Variants in ARB2A observed in about 807,000 individuals in gnomAD.
The protein encoded by ARB2A is cotranscriptional regulator ARB2A.
chr5:93,814,895 T>C, the ARB2A span, among the ~76,000 whole-genome samples: 2 of 152,200 alleles, frequency 1.3e-5, no homozygotes, highest in Non-Finnish European at 2.9e-5. Flanking sequence ...TGGAGTGTGG[T>C]GGTGTGATCA....
At chr5:93,765,929 C>A in the ARB2A span, among the ~76,000 whole-genome samples, 2 of 152,082 alleles carry the variant, frequency 1.3e-5, no homozygotes, top group Admixed American at 1.3e-4. Context: ...GAAAAACAAG[C>A]AATGGGGAAA....
At chr5:93,777,579 G>A in the ARB2A span, among the ~76,000 whole-genome samples, 1 of 146,568 alleles carries the variant, frequency 6.8e-6, no homozygotes, top group Non-Finnish European at 1.5e-5. Context: ...TGAATTTCCA[G>A]ACAGATTTTT....
the ARB2A span, among the ~76,000 whole-genome samples, chr5:93,852,930 C>T: frequency 4.1e-5 from 6 of 147,954 alleles, no homozygotes; most frequent in South Asian, 2.2e-4. Flanking sequence ...ACTGACTTGG[C>T]GATGTGGGCT....
At chr5:93,730,612 G>A in the ARB2A span, among the ~76,000 whole-genome samples, 1 of 152,076 alleles carries the variant, frequency 6.6e-6, no homozygotes, top group Non-Finnish European at 1.5e-5. Context: ...GTTCTCTTCT[G>A]TTTTAGCTCT....
chr5:93,855,816 C>G, the ARB2A span, among the ~76,000 whole-genome samples: 1 of 152,040 alleles, frequency 6.6e-6, no homozygotes, highest in Admixed American at 6.6e-5. Flanking sequence ...CCCATCTGTA[C>G]ATCACCATCA....
chr5:93,726,103 T>C, the ARB2A span, among the ~76,000 whole-genome samples: 1 of 152,098 alleles, frequency 6.6e-6, no homozygotes, highest in African/African-American at 2.4e-5. Flanking sequence ...AGTTCTAGTG[T>C]TTATAATATT....
the ARB2A span, among the ~76,000 whole-genome samples, chr5:93,896,439 T>G: frequency 1.3e-5 from 2 of 152,096 alleles, no homozygotes; most frequent in Non-Finnish European, 2.9e-5. Context: ...TTTCAGGCCA[T>G]GTGTATAAGG....
At chr5:94,053,774 T>G in the ARB2A span, among the ~76,000 whole-genome samples, 2 of 152,142 alleles carry the variant, frequency 1.3e-5, no homozygotes, top group African/African-American at 4.8e-5. Flanking sequence ...TTCTTTTTCT[T>G]TTTTCTTTTT....
chr5:93,753,051 G>A, the ARB2A span, among the ~76,000 whole-genome samples: 1 of 152,126 alleles, frequency 6.6e-6, no homozygotes, highest in Admixed American at 6.5e-5. Context: ...TTCTTGACTA[G>A]TACACATACT....
At chr5:93,669,609 GTGT>G in the ARB2A span, among the ~76,000 whole-genome samples, 1 of 152,130 alleles carries the variant, frequency 6.6e-6, no homozygotes, top group African/African-American at 2.4e-5. Context: ...TTCAAATTAC[GTGT>G]TGTTGTCATG....
chr5:94,009,898 T>C, the ARB2A span, among the ~76,000 whole-genome samples: 2 of 151,856 alleles, frequency 1.3e-5, no homozygotes, highest in Non-Finnish European at 2.9e-5. Context: ...TATCTAAAAA[T>C]TGTCAATTTG....
the ARB2A span, among the ~76,000 whole-genome samples, chr5:94,093,441 A>G: frequency 2.0e-5 from 3 of 152,174 alleles, no homozygotes; most frequent in East Asian, 5.8e-4. Flanking sequence ...AGAAGACTGC[A>G]TTCTTACTGG....
At chr5:94,088,266 T>G in the ARB2A span, among the ~76,000 whole-genome samples, 1 of 152,162 alleles carries the variant, frequency 6.6e-6, no homozygotes, top group African/African-American at 2.4e-5. Context: ...GTATTTTGAG[T>G]AAAAATTTAT....
the ARB2A span, among the ~76,000 whole-genome samples, chr5:93,964,097 T>C: frequency 6.6e-6 from 1 of 151,984 alleles, no homozygotes; most frequent in Non-Finnish European, 1.5e-5. Context: ...AAAGAGATAG[T>C]GAATGTCTAA....
chr5:93,851,681 C>A, the ARB2A span, among the ~76,000 whole-genome samples: 2 of 152,090 alleles, frequency 1.3e-5, no homozygotes, highest in African/African-American at 2.4e-5. Flanking sequence ...TCAATTCCCA[C>A]CTATGAGTGA....
the ARB2A span, among the ~76,000 whole-genome samples, chr5:94,079,872 C>T: frequency 3.9e-5 from 6 of 152,194 alleles, 1 homozygote. Context: ...TATTGCACTA[C>T]TATGTATTTT....
chr5:93,761,353 C>G, the ARB2A span, among the ~76,000 whole-genome samples: 1 of 152,210 alleles, frequency 6.6e-6, no homozygotes, highest in Admixed American at 6.5e-5. Flanking sequence ...GGGTCACTCT[C>G]ACCCTAATAC....
chr5:93,807,154 A>C, the ARB2A span, among the ~76,000 whole-genome samples: 5 of 151,988 alleles, frequency 3.3e-5, no homozygotes, highest in East Asian at 7.7e-4. Flanking sequence ...CATAGCTAAT[A>C]GGTTGGAGGT....
the ARB2A span, among the ~76,000 whole-genome samples, chr5:93,913,923 C>A: frequency 1.2e-3 from 177 of 151,964 alleles, no homozygotes; most frequent in African/African-American, 4.2e-3. Flanking sequence ...ATTAATAATA[C>A]AATAGACAGA....
Sources: gnomAD v4.1 joint callset for allele counts (sites outside exome capture counted in the v4.1 genomes callset) on GRCh38, gnomAD v4.1.1 for gene constraint, MANE v1.5 for transcripts, NCBI Gene and HGNC (gene_info 2026-07-23, HGNC 2026-07-21) for gene names.